The following ATP13A3 variants were observed in gnomAD, a reference collection of about 807,000 sequenced individuals.
ATP13A3 encodes ATPase 13A3, also known as polyamine-transporting ATPase 13A3.
In ATP13A3, 59 loss-of-function variants were observed where a neutral mutation model predicts 158.1. That is an observed-to-expected ratio of 0.37 (90% CI 0.30 to 0.46). The LOEUF is 0.46. ATP13A3 is among the 20% of genes least tolerant of loss of function. ATP13A3 has a pLI of 1.00. For synonymous variants in ATP13A3, 491 were observed against 504.3 expected, an observed-to-expected ratio of 0.97 and a Z score of 0.35; for missense variants, 1,166 against 1,525.2, an observed-to-expected ratio of 0.76 and a Z score of 3.92.
chr3:194,492,793 C>T (rs867969280), intron 2 of ATP13A3, among the ~76,000 whole-genome samples: 6 of 152,060 alleles, frequency 3.9e-5, no homozygotes, highest in Admixed American at 6.6e-5. Flanking sequence ...ACTTATAATA[C>T]GATGTAAATT....
At chr3:194,418,422 C>T (rs1286941958) in intron 31 of ATP13A3, among the ~76,000 whole-genome samples, 2 of 151,850 alleles carry the variant, frequency 1.3e-5, no homozygotes, top group East Asian at 1.9e-4. Flanking sequence ...AAATATAATA[C>T]ATTAAGAACT....
Position 194,404,511 on chromosome 3 carries a change from C to T in ATP13A3, c.*1408G>A, listed in dbSNP as rs1320347709. 1 of 167,800 alleles carries T rather than the reference C, an allele frequency of 6.0e-6. No homozygotes were observed. Among genetic ancestry groups the T allele is most frequent in the Admixed American group, 6.4e-5 (1 of 15,660 alleles). The allele number at this position is 167,800 out of a possible 1,614,324, so 10.4% of individuals were successfully genotyped here. ...TTACTGGCTCTGGAAGAACAGAGAACAATGTCACACTGTTTTCATAGTTTA... is the reference window on the plus strand; with the variant it reads ...TTACTGGCTCTGGAAGAACAGAGAATAATGTCACACTGTTTTCATAGTTTA... On this transcript the variant is annotated 3_prime_UTR_variant, in exon 34 of 34. Transcript: ENST00000645319.
At chr3:194,425,848 AC>A (rs1310116855) in intron 29 of ATP13A3, among the ~76,000 whole-genome samples, 1 of 152,214 alleles carries the variant, frequency 6.6e-6, no homozygotes, top group African/African-American at 2.4e-5. Context: ...TGACCCAAGC[AC>A]TATCACTTTT....
intron 2 of ATP13A3, among the ~76,000 whole-genome samples, chr3:194,484,918 G>A (rs527578812): frequency 1.2e-4 from 18 of 152,154 alleles, no homozygotes; most frequent in Non-Finnish European, 7.4e-5. Context: ...TTAGCTGGGC[G>A]TGGTGGCACA....
At position 194,413,832 on chromosome 3, in the gene ATP13A3, C is replaced by T; in HGVS notation, c.3410G>A (p.Cys1137Tyr). 1.2e-6 allele frequency: 2 copies of T among 1,612,740 alleles called. No homozygotes were observed. Among genetic ancestry groups the T allele is most frequent in the South Asian group, 1.1e-5 (1 of 91,050 alleles). Residue 1137 changes from cysteine to tyrosine, a missense_variant, in exon 32 of 34, where the codon TGT (cysteine) becomes TAT (tyrosine). By Grantham distance (194) the Cys-to-Tyr change is radical (BLOSUM62 -2). Coordinates refer to ENST00000645319, the MANE Select transcript of ATP13A3 (RefSeq NM_001367549.1). The stretch of plus-strand genomic sequence containing the variant: ...AGTTACACGCCACTGATATGGTACA[C>T]ACACTATCTGTAATGCAAAAACATT... ...ASVDQVLQIV[C>Y]VPYQWRVTML...
At position 194,403,922 on chromosome 3, in the gene ATP13A3, G is replaced by A; in HGVS notation, c.*1997C>T. 1 of 318,580 alleles carries A rather than the reference G, an allele frequency of 3.1e-6. No homozygotes were observed. The highest frequency in any genetic ancestry group is 6.1e-6 in the Non-Finnish European group (1 of 164,126). The allele number at this position is 318,580 out of a possible 1,614,324, so 19.7% of individuals were successfully genotyped here. A position where few individuals can be genotyped will look rare whatever the true frequency, so the allele number is the denominator to read the frequency against. On this transcript the variant is annotated 3_prime_UTR_variant, in exon 34 of 34. Coordinates refer to ENST00000645319, the MANE Select transcript of ATP13A3 (RefSeq NM_001367549.1). ...AACTCTAAATGTTAAAAAAGTGGGG[G>A]GGGGGTGTCAAAAATAGCTCTTTAT...
chr3:194,460,519 C>A, intron 4 of ATP13A3, 139 bp downstream of exon 4: 1 of 902,348 alleles, frequency 1.1e-6, no homozygotes, highest in Non-Finnish European at 1.7e-6. Context: ...AACACAAATC[C>A]TCTAGAAATA....
At chr3:194,460,058 A>T in intron 4 of ATP13A3, 87 bp from the exon 5 acceptor site, 2 of 1,102,742 alleles carry the variant, frequency 1.8e-6, no homozygotes, top group Non-Finnish European at 2.6e-6. Context: ...TTTACAAGAC[A>T]TTATTTCCTC....
intron 14 of ATP13A3, among the ~76,000 whole-genome samples, chr3:194,445,281 G>A (rs1356169872): frequency 1.3e-5 from 2 of 152,168 alleles, no homozygotes; most frequent in Non-Finnish European, 2.9e-5. Context: ...ATTGTTACAT[G>A]TTAATTGTAA....
rs533289141 is a variant in ATP13A3 at position 194,440,755 on chromosome 3, A to G, written c.1710+556T>C. ...TAAATAATTCAGAAGCCAGAAGGGA[A>G]CTCTAAAATGAACTGACTTTGTATT... On this transcript the variant is annotated intron_variant, in intron 16 of 33. Coordinates refer to ENST00000645319, the MANE Select transcript of ATP13A3 (RefSeq NM_001367549.1). 2.6e-5 allele frequency among the ~76,000 whole-genome samples: 4 copies of G among 152,304 alleles called. No individual in the cohort carries two copies. In the South Asian group the frequency reaches 8.3e-4, roughly 32 times the overall value.
At chr3:194,410,854 TG>T (rs1037943423) in intron 33 of ATP13A3, among the ~76,000 whole-genome samples, 5 of 145,440 alleles carry the variant, frequency 3.4e-5, no homozygotes, top group African/African-American at 1.3e-4. Context: ...ACATGAGAGT[TG>T]ATTACATAAG....
intron 20 of ATP13A3, among the ~76,000 whole-genome samples, chr3:194,436,420 T>C (rs116400996): frequency 6.6e-6 from 1 of 152,190 alleles, no homozygotes; most frequent in Non-Finnish European, 1.5e-5. Context: ...ATCAAATTAG[T>C]AGTTATATCC....
At chr3:194,475,725 ACACACACG>A (rs1720497967) in intron 2 of ATP13A3, among the ~76,000 whole-genome samples, 1 of 152,122 alleles carries the variant, frequency 6.6e-6, no homozygotes, top group South Asian at 2.1e-4. Flanking sequence ...CCACATACAC[ACACACACG>A]CACACAGACA....
chr3:194,435,454 T>C (rs1223936416), intron 20 of ATP13A3, among the ~76,000 whole-genome samples: 5 of 150,504 alleles, frequency 3.3e-5, no homozygotes, highest in Non-Finnish European at 7.4e-5. Flanking sequence ...CTAAAACCTG[T>C]TTCTACAAGG....
rs751159478 is a variant in ATP13A3, at chr3:194,428,869, T to C, written c.2923A>G (p.Ile975Val). Reference sequence around the variant, plus strand: ...CTTGTAAATACCACTACCAAAATGATTGCCAGATCAATGAAGAGAAACTGG... The same window carrying C: ...CTTGTAAATACCACTACCAAAATGACTGCCAGATCAATGAAGAGAAACTGG... ...DFQFLFIDLA[I>V]ILVVVFTMSL... The change falls in exon 28 of 34, where the codon ATC becomes GTC. Residue 975 changes from isoleucine (I) to valine (V), a missense_variant. Around this residue, in one of 3 missense-constraint regions of ATP13A3, gnomAD observed 997 missense variants for 1,341.2 expected, o/e 0.74. Transcript: ENST00000645319. The C allele has an allele frequency of 1.1e-4, 176 of 1,598,680 alleles. No individual in the cohort carries two copies. Among genetic ancestry groups the C allele is most frequent in the East Asian group, 3.1e-4 (14 of 44,488 alleles).
chr3:194,463,289 CTTTT>C (rs34171479), intron 2 of ATP13A3, among the ~76,000 whole-genome samples: 1 of 138,086 alleles, frequency 7.2e-6, no homozygotes, highest in Non-Finnish European at 1.6e-5. Flanking sequence ...CATATTTTTC[CTTTT>C]TTTTTTTTTT....
intron 9 of ATP13A3, 81 bp from the exon 10 acceptor site, chr3:194,453,859 GT>G: frequency 9.6e-7 from 1 of 1,042,272 alleles, no homozygotes; most frequent in Admixed American, 2.1e-5. Flanking sequence ...AAAAAAATAA[GT>G]TAATTCAATA....
In ATP13A3 at chr3:194,478,054, G is replaced by C. The variant is rs138915654; in HGVS notation, c.-47+7740C>G. On this transcript the variant is annotated intron_variant, in intron 2 of 33. Coordinates refer to ENST00000645319, the MANE Select transcript of ATP13A3 (RefSeq NM_001367549.1). ...CTAACCCCAAACTACTGCTTGACTAGAAAAAGGTAAATTAAATCAGAAAAC... is the reference window on the plus strand; with the variant it reads ...CTAACCCCAAACTACTGCTTGACTACAAAAAGGTAAATTAAATCAGAAAAC... Among the ~76,000 whole-genome samples, 1,429 of 152,222 alleles carry C rather than the reference G, an allele frequency of 9.4e-3. 26 individuals carry two copies. Among genetic ancestry groups the C allele is most frequent in the African/African-American group, 0.032 (1,326 of 41,528 alleles).
At chr3:194,430,217 A>C in intron 25 of ATP13A3, 36 bp from the exon 26 acceptor site, 1 of 1,613,472 alleles carries the variant, frequency 6.2e-7, no homozygotes, top group Non-Finnish European at 8.5e-7. Context: ...AGTTTTGTGA[A>C]TATGATTTAG....
Sources: gnomAD v4.1 joint callset for allele counts (sites outside exome capture counted in the v4.1 genomes callset) on GRCh38, gnomAD v4.1.1 for gene constraint, gnomAD v4.1.1 regional missense constraint, MANE v1.5 for transcripts, NCBI Gene and HGNC (gene_info 2026-07-23, HGNC 2026-07-21) for gene names.